Variants in USH2A observed in about 807,000 individuals in gnomAD.
The protein encoded by USH2A is Usher syndrome 2A (autosomal recessive, mild).
Under a neutral mutation model 538.9 loss-of-function variants are expected in USH2A, and 443 were observed. The ratio of observed to expected loss-of-function variants is 0.82; its 90% confidence interval spans 0.76 to 0.89. The LOEUF is 0.89. USH2A is among the 40% of genes least tolerant of loss of function. The probability of loss-of-function intolerance (pLI) is 0.00; values close to 1 mark genes in which losing one functional copy is unlikely to be tolerated. For synonymous variants in USH2A, 2,413 were observed against 2,273.5 expected, an observed-to-expected ratio of 1.06 and a Z score of -1.75; for missense variants, 6,633 against 6,324.8, an observed-to-expected ratio of 1.05 and a Z score of -1.65.
At chr1:216,278,571 C>A (rs1323361307) in intron 11 of USH2A, among the ~76,000 whole-genome samples, 1 of 152,200 alleles carries the variant, frequency 6.6e-6, no homozygotes, top group African/African-American at 2.4e-5. Flanking sequence ...TGTGCCAAGA[C>A]CTTTCTGTCT....
chr1:215,764,662 T>C (rs1198888072), intron 56 of USH2A, among the ~76,000 whole-genome samples: 1 of 152,148 alleles, frequency 6.6e-6, no homozygotes, highest in Non-Finnish European at 1.5e-5. Flanking sequence ...CTTAAAATAC[T>C]CAAATATGAG....
chr1:216,078,033 A>G, intron 27 of USH2A, 56 bp downstream of exon 27: 1 of 1,610,958 alleles, frequency 6.2e-7, no homozygotes, highest in Non-Finnish European at 8.5e-7. Context: ...AGAACCACCA[A>G]AAACTGTTAG....
intron 19 of USH2A, among the ~76,000 whole-genome samples, chr1:216,192,060 A>C (rs2034727413): frequency 6.6e-6 from 1 of 152,012 alleles, no homozygotes; most frequent in Non-Finnish European, 1.5e-5. Context: ...AAGTCTTATA[A>C]AATCTATCTA....
chr1:216,382,440 T>C (rs1016067265), intron 3 of USH2A, among the ~76,000 whole-genome samples: 1 of 152,178 alleles, frequency 6.6e-6, no homozygotes, highest in African/African-American at 2.4e-5. Context: ...GTTACTAGAA[T>C]GTGAGGTCCC....
At chr1:216,260,411 A>C (rs74560171) in intron 11 of USH2A, among the ~76,000 whole-genome samples, 4,106 of 152,250 alleles carry the variant, frequency 0.027, 188 homozygotes, top group African/African-American at 0.095. Flanking sequence ...ACAGGTCTAA[A>C]GTTAAACAAT....
chr1:215,759,817 T>C lies in USH2A; in HGVS notation c.11074A>G (p.Ile3692Val), dbSNP rs758785058. ...AATTCCACTGTTGTAGAATTGATGA[T>C]AATGTGTCGAGGTGTCACCCAAACT... ...EGVWVTPRHI[I>V]INSTTVELYW... Residue 3692 changes from isoleucine (I) to valine (V), a missense_variant, in exon 57 of 72, where the codon ATC (isoleucine) becomes GTC (valine). Coordinates refer to ENST00000307340, the MANE Select transcript of USH2A (RefSeq NM_206933.4). 12 of 1,613,918 alleles carry C rather than the reference T, an allele frequency of 7.4e-6. No individual in the cohort carries two copies. The highest frequency in any genetic ancestry group is 1.0e-5 in the Non-Finnish European group (12 of 1,179,904).
intron 11 of USH2A, among the ~76,000 whole-genome samples, chr1:216,251,595 C>T (rs368999766): frequency 2.6e-5 from 4 of 151,788 alleles, no homozygotes; most frequent in Non-Finnish European, 4.4e-5. Flanking sequence ...GGACTACAGG[C>T]GCCCGCCACC....
chr1:216,194,152 G>A (rs2034784154), intron 19 of USH2A: 1 of 152,066 alleles, frequency 6.6e-6, no homozygotes, highest in Non-Finnish European at 1.5e-5. Context: ...ACTGGCCCTA[G>A]GAAGGAGACT....
At chr1:216,309,262 T>C (rs978762180) in intron 9 of USH2A, among the ~76,000 whole-genome samples, 5 of 152,188 alleles carry the variant, frequency 3.3e-5, no homozygotes, top group African/African-American at 1.2e-4. Context: ...TAATTATACA[T>C]TTCTAAATCA....
At chr1:216,163,597 T>C (rs538634264) in intron 21 of USH2A, among the ~76,000 whole-genome samples, 137 of 152,106 alleles carry the variant, frequency 9.0e-4, no homozygotes, top group Non-Finnish European at 1.1e-3. Flanking sequence ...GTTGATGTGA[T>C]CTTTCAGCAA....
At position 215,741,655 on chromosome 1, in the gene USH2A, T is replaced by C. The variant is rs1660309214; in HGVS notation, c.11549-118A>G. On this transcript the variant is annotated intron_variant, in intron 59 of 71. Coordinates refer to ENST00000307340, the MANE Select transcript of USH2A (RefSeq NM_206933.4). ...ATTTTAACCTGTCCTTTTGCATATA[T>C]ACTTGTACATGTGTTTTAAATAAAT... The C allele has an allele frequency of 8.2e-6, 9 of 1,098,292 alleles. No individual in the cohort carries two copies. The South Asian group carries it at 1.4e-4, about 17-fold the overall frequency. The allele number at this position is 1,098,292 out of a possible 1,614,324, so 68.0% of individuals were successfully genotyped here.
chr1:216,035,057 A>T (rs1312823461), intron 32 of USH2A, among the ~76,000 whole-genome samples: 1 of 152,180 alleles, frequency 6.6e-6, no homozygotes, highest in Non-Finnish European at 1.5e-5. Context: ...CATGGGCCAT[A>T]TCCATCTTAA....
At chr1:216,165,726 C>T (rs995647838) in intron 21 of USH2A, among the ~76,000 whole-genome samples, 1 of 151,820 alleles carries the variant, frequency 6.6e-6, no homozygotes, top group Non-Finnish European at 1.5e-5. Flanking sequence ...ATGTCTTATG[C>T]CGTGCAAGAC....
chr1:215,731,424 G>A (rs1420992203), intron 60 of USH2A, among the ~76,000 whole-genome samples: 1 of 152,148 alleles, frequency 6.6e-6, no homozygotes, highest in Admixed American at 6.5e-5. Context: ...TAAGATTTAA[G>A]CATCACCTGT....
intron 21 of USH2A, among the ~76,000 whole-genome samples, chr1:216,165,333 C>T (rs1284650851): frequency 6.6e-6 from 1 of 152,048 alleles, no homozygotes; most frequent in Non-Finnish European, 1.5e-5. Context: ...TGTGCAACCA[C>T]CTAGTTTTCA....
intron 4 of USH2A, among the ~76,000 whole-genome samples, chr1:216,361,809 C>T (rs1439189860): frequency 6.6e-6 from 1 of 152,068 alleles, no homozygotes; most frequent in East Asian, 1.9e-4. Context: ...TTTGCTAAAG[C>T]TAAAGATATA....
At chr1:215,642,319 G>A (rs1239686795) in intron 67 of USH2A, among the ~76,000 whole-genome samples, 2 of 152,162 alleles carry the variant, frequency 1.3e-5, no homozygotes, top group African/African-American at 4.8e-5. Context: ...GGTTCAGAGA[G>A]GTCAAATATC....
chr1:215,862,413 G>A (rs1444937693), intron 44 of USH2A, among the ~76,000 whole-genome samples: 3 of 151,944 alleles, frequency 2.0e-5, no homozygotes, highest in South Asian at 2.1e-4. Context: ...GGGGCCTGTC[G>A]TGGGGTGGGG....
intron 9 of USH2A, among the ~76,000 whole-genome samples, chr1:216,306,828 A>G (rs1397300825): frequency 6.6e-6 from 1 of 152,202 alleles, no homozygotes; most frequent in Non-Finnish European, 1.5e-5. Flanking sequence ...CAGTGGAGCT[A>G]GCAGCCTCCA....
Sources: allele counts gnomAD v4.1 joint callset (sites outside exome capture counted in the v4.1 genomes callset), GRCh38; gene constraint gnomAD v4.1.1; transcripts MANE v1.5; gene names NCBI Gene and HGNC (gene_info 2026-07-23, HGNC 2026-07-21).